Variants in OR3A3 observed in about 807,000 individuals in gnomAD.
OR3A3 encodes the protein olfactory receptor 3A3.
For missense variants in OR3A3, 275 were observed against 391.4 expected (o/e 0.70, Z 2.51); for synonymous variants, 103 against 163.9 (o/e 0.63, Z 2.84).
chr17:3,413,993 G>C (rs1158369958), intron 2 of OR3A3, among the ~76,000 whole-genome samples: 1 of 152,156 alleles, frequency 6.6e-6, no homozygotes, highest in Non-Finnish European at 1.5e-5. Flanking sequence ...CCTCACATTG[G>C]AGACATCCTC....
chr17:3,423,309 C>G (rs1280797431), exon 3 of OR3A3: 1 of 152,482 alleles, frequency 6.6e-6, no homozygotes, highest in Non-Finnish European at 1.5e-5. Flanking sequence ...ATTTCCACCA[C>G]TCCATCTACG....
chr17:3,413,852 A>C (rs369233044), intron 2 of OR3A3, among the ~76,000 whole-genome samples: 4 of 113,206 alleles, frequency 3.5e-5, no homozygotes, highest in South Asian at 2.6e-4. Context: ...AAACAAAAAA[A>C]AAAAACTTTA....
intron 2 of OR3A3, among the ~76,000 whole-genome samples, chr17:3,417,128 T>G (rs1830006695): frequency 6.6e-6 from 1 of 151,926 alleles, no homozygotes; most frequent in Non-Finnish European, 1.5e-5. Context: ...GATCACTTAG[T>G]TAAGGTTTGT....
At chr17:3,413,345 A>G (rs1164393872) in intron 2 of OR3A3, among the ~76,000 whole-genome samples, 3 of 152,172 alleles carry the variant, frequency 2.0e-5, no homozygotes, top group Admixed American at 6.5e-5. Context: ...AATATTTGGG[A>G]AGTGGACTTG....
chr17:3,421,277 T>C, exon 3 of OR3A3: 1 of 1,614,146 alleles, frequency 6.2e-7, no homozygotes. Flanking sequence ...GTGCTGCAAA[T>C]CCGCTCTGCT....
chr17:3,423,339 G>A (rs1224401003), exon 3 of OR3A3: 1 of 152,368 alleles, frequency 6.6e-6, no homozygotes, highest in Admixed American at 6.5e-5. Flanking sequence ...TCTAACGCTT[G>A]TCTATGACCC....
rs868686838 is a variant in OR3A3, at chr17:3,420,497, C to A, written c.-6-83C>A. The A allele has an allele frequency of 1.8e-5, 28 of 1,554,014 alleles. No individual in the cohort carries two copies. The Middle Eastern group carries it at 7.0e-4, about 39-fold the overall frequency. ...TGAGGGATGGCCTGGGGACTCGCCA[C>A]GGGGCTTTGAACATAAATGGTTTAA... On this transcript the variant is annotated intron_variant, in intron 2 of 2. Coordinates refer to ENST00000641141, the Ensembl canonical transcript of OR3A3.
chr17:3,421,066 A>C (rs1346888514), exon 3 of OR3A3: 12 of 1,614,106 alleles, frequency 7.4e-6, no homozygotes, highest in Non-Finnish European at 1.0e-5. Flanking sequence ...CAACGCACTG[A>C]CCCACACTGT....
intron 2 of OR3A3, among the ~76,000 whole-genome samples, chr17:3,412,857 G>A (rs539624435): frequency 9.3e-4 from 141 of 152,254 alleles, no homozygotes; most frequent in Non-Finnish European, 1.2e-3. Flanking sequence ...CCACAACCTT[G>A]CACCCTGCAT....
At chr17:3,412,108 G>A (rs2072365607) in exon 2 of OR3A3, 1 of 152,428 alleles carries the variant, frequency 6.6e-6, no homozygotes, top group Admixed American at 6.6e-5. Context: ...AGGATAACGG[G>A]GTGTGTGCAG....
intron 2 of OR3A3, among the ~76,000 whole-genome samples, chr17:3,418,210 T>A (rs2072403715): frequency 6.6e-6 from 1 of 152,216 alleles, no homozygotes; most frequent in Admixed American, 6.5e-5. Flanking sequence ...CTAGTTTCTC[T>A]CCTCTACCCT....
rs753271375 is a variant in OR3A3 at position 3,421,311 on chromosome 17, C to T, written c.726C>T (p.Ser242=). Reference sequence around the variant, plus strand: ...CTGAGGGCAGAAAGAAGGCCTTCTCCACATGTGGCTCCCACCTCACTGTGG... The same window carrying T: ...CTGAGGGCAGAAAGAAGGCCTTCTCTACATGTGGCTCCCACCTCACTGTGG... The change falls in exon 3 of 3, where the codon TCC becomes TCT. Residue 242 remains serine (S), a synonymous_variant. Coordinates refer to ENST00000641141, the Ensembl canonical transcript of OR3A3. 14 of 1,614,100 alleles carry T rather than the reference C, an allele frequency of 8.7e-6. No individual in the cohort carries two copies. The East Asian group carries it at 2.0e-4, about 23-fold the overall frequency.
intron 2 of OR3A3, among the ~76,000 whole-genome samples, chr17:3,415,356 T>C (rs1232860289): frequency 6.6e-6 from 1 of 151,412 alleles, no homozygotes; most frequent in Admixed American, 6.6e-5. Flanking sequence ...AGGTCAGGAG[T>C]TCGAGACCAG....
At chr17:3,411,797 A>G (rs1273065008) in intron 1 of OR3A3, among the ~76,000 whole-genome samples, 181 bp from the exon 2 acceptor site, 2 of 152,216 alleles carry the variant, frequency 1.3e-5, no homozygotes, top group African/African-American at 2.4e-5. Context: ...TCAGTGACCC[A>G]CATTAAGCAG....
chr17:3,416,220 A>G (rs1321876832), intron 2 of OR3A3, among the ~76,000 whole-genome samples: 2 of 152,198 alleles, frequency 1.3e-5, no homozygotes, highest in Non-Finnish European at 1.5e-5. Context: ...CCTTTTTAGC[A>G]TCTATGGAAA....
chr17:3,416,132 T>A (rs2072390199), intron 2 of OR3A3, among the ~76,000 whole-genome samples: 1 of 152,042 alleles, frequency 6.6e-6, no homozygotes, highest in Non-Finnish European at 1.5e-5. Context: ...TATTTTAACA[T>A]GTTAGGTAAG....
At chr17:3,413,200 G>T (rs1011033181) in intron 2 of OR3A3, among the ~76,000 whole-genome samples, 1 of 152,188 alleles carries the variant, frequency 6.6e-6, no homozygotes, top group Non-Finnish European at 1.5e-5. Flanking sequence ...GAGAGAAGCA[G>T]CAGGAGGGAG....
rs372891229 is a variant in OR3A3 at position 3,416,375 on chromosome 17, A to T, written c.-7+4204A>T. On this transcript the variant is annotated intron_variant, in intron 2 of 2. Transcript: ENST00000641141. ...GTAAAATTACTGAAATAAATTTGTT[A>T]ATCTTTTATGATTTCATATTTTCTT... Among the ~76,000 whole-genome samples the T allele has an allele frequency of 3.9e-5, 6 of 152,110 alleles. No homozygotes were observed. In the South Asian group the frequency reaches 8.3e-4, roughly 21 times the overall value.
At chr17:3,420,444 A>G in intron 2 of OR3A3, 136 bp from the exon 3 acceptor site, 1 of 1,433,938 alleles carries the variant, frequency 7.0e-7, no homozygotes, top group Admixed American at 2.4e-5. Flanking sequence ...ACCAAGAGCA[A>G]GGTAAAGGCA....
Sources: allele counts gnomAD v4.1 joint callset (sites outside exome capture counted in the v4.1 genomes callset), GRCh38; gene constraint gnomAD v4.1.1; transcripts MANE v1.5; gene names NCBI Gene and HGNC (gene_info 2026-07-23, HGNC 2026-07-21).